The following ZNF804A variants were observed in gnomAD, a reference collection of about 807,000 sequenced individuals.
The protein encoded by ZNF804A is zinc finger protein 804A.
In ZNF804A, 2 loss-of-function variants were observed where a neutral mutation model predicts 16.5. The observed-to-expected ratio is 0.12, with a 90% CI of 0.05 to 0.38. The LOEUF is 0.38. Ranked by LOEUF, ZNF804A falls within the 10% of genes least tolerant of loss-of-function variation. ZNF804A has a pLI of 0.99. For missense variants in ZNF804A, 1,473 were observed against 1,390.7 expected, an observed-to-expected ratio of 1.06 and a Z score of -0.94; for synonymous variants, 534 against 489.6, an observed-to-expected ratio of 1.09 and a Z score of -1.20.
chr2:184,802,941 A>G (rs1694748713), intron 1 of ZNF804A, among the ~76,000 whole-genome samples: 1 of 152,162 alleles, frequency 6.6e-6, no homozygotes, highest in Non-Finnish European at 1.5e-5. Context: ...GCCTTAGGAA[A>G]GTGATTTTAC....
At chr2:184,837,682 A>G (rs1470171902) in intron 1 of ZNF804A, among the ~76,000 whole-genome samples, 1 of 152,164 alleles carries the variant, frequency 6.6e-6, no homozygotes, top group African/African-American at 2.4e-5. Context: ...GAAAAATATT[A>G]TGATCTATCA....
At chr2:184,831,177 G>A (rs1360975641) in intron 1 of ZNF804A, among the ~76,000 whole-genome samples, 5 of 151,996 alleles carry the variant, frequency 3.3e-5, no homozygotes, top group South Asian at 2.1e-4. Flanking sequence ...TTATACGCCC[G>A]CTTTTATATG....
intron 2 of ZNF804A, among the ~76,000 whole-genome samples, chr2:184,912,701 T>C (rs1417226213): frequency 6.6e-6 from 1 of 152,110 alleles, no homozygotes; most frequent in Non-Finnish European, 1.5e-5. Context: ...CTCTAATTAC[T>C]AATGACGTTG....
intron 2 of ZNF804A, among the ~76,000 whole-genome samples, chr2:184,884,392 T>C (rs1684854886): frequency 6.6e-6 from 1 of 152,020 alleles, no homozygotes; most frequent in African/African-American, 2.4e-5. Context: ...CTTACAGATT[T>C]AGTGCAATTC....
chr2:184,665,125 A>G (rs889995437), intron 1 of ZNF804A, among the ~76,000 whole-genome samples: 82 of 152,340 alleles, frequency 5.4e-4, no homozygotes, highest in African/African-American at 2.0e-3. Context: ...AACTCTTAGT[A>G]TTAAAACAAT....
intron 1 of ZNF804A, among the ~76,000 whole-genome samples, chr2:184,612,450 G>T (rs56217599): frequency 0.56 from 79,173 of 140,782 alleles, 21,576 homozygotes; most frequent in Middle Eastern, 0.64. Flanking sequence ...TTTTTTTTTT[G>T]GGGGGGGGAC....
intron 1 of ZNF804A, among the ~76,000 whole-genome samples, chr2:184,816,031 C>T (rs1163350915): frequency 6.6e-6 from 1 of 151,990 alleles, no homozygotes; most frequent in African/African-American, 2.4e-5. Flanking sequence ...TTGACAAATG[C>T]ATTATGAACA....
At chr2:184,767,873 A>C (rs1409189569) in intron 1 of ZNF804A, among the ~76,000 whole-genome samples, 1 of 152,134 alleles carries the variant, frequency 6.6e-6, no homozygotes, top group African/African-American at 2.4e-5. Context: ...GCATCAGTGA[A>C]TCCAAATCTG....
chr2:184,631,443 G>A (rs916826819), intron 1 of ZNF804A, among the ~76,000 whole-genome samples: 1 of 151,998 alleles, frequency 6.6e-6, no homozygotes, highest in Non-Finnish European at 1.5e-5. Flanking sequence ...ATTATTCTAG[G>A]TGATAATACT....
At chr2:184,802,755 A>T (rs1180635233) in intron 1 of ZNF804A, among the ~76,000 whole-genome samples, 2 of 152,172 alleles carry the variant, frequency 1.3e-5, no homozygotes, top group African/African-American at 4.8e-5. Context: ...CTAAAATAAG[A>T]ATTCCCTGCT....
intron 1 of ZNF804A, among the ~76,000 whole-genome samples, chr2:184,826,671 A>G (rs1426610765): frequency 6.6e-6 from 1 of 152,102 alleles, no homozygotes; most frequent in African/African-American, 2.4e-5. Context: ...TTATTAATAC[A>G]TACTTGAAAC....
At chr2:184,812,168 C>T (rs992886833) in intron 1 of ZNF804A, among the ~76,000 whole-genome samples, 1 of 152,128 alleles carries the variant, frequency 6.6e-6, no homozygotes, top group Non-Finnish European at 1.5e-5. Context: ...AGTTACCTGG[C>T]CCTACAAGCT....
chr2:184,929,119 C>G (rs540211345), intron 2 of ZNF804A, among the ~76,000 whole-genome samples: 59 of 152,292 alleles, frequency 3.9e-4, no homozygotes, highest in African/African-American at 1.4e-3. Context: ...CATCTAGCCT[C>G]TCCTCTTTAA....
chr2:184,682,234 G>A (rs980277980), intron 1 of ZNF804A, among the ~76,000 whole-genome samples: 2 of 152,184 alleles, frequency 1.3e-5, no homozygotes, highest in African/African-American at 2.4e-5. Flanking sequence ...AAGCCCGGAG[G>A]GTGTCAGCAA....
chr2:184,825,851 A>AT (rs979088412), intron 1 of ZNF804A, among the ~76,000 whole-genome samples: 4 of 151,728 alleles, frequency 2.6e-5, no homozygotes, highest in Non-Finnish European at 4.4e-5. Flanking sequence ...ATGCCTTTTT[A>AT]TTTTTTTAAT....
intron 1 of ZNF804A, among the ~76,000 whole-genome samples, chr2:184,856,824 T>A (rs142428638): frequency 0.01 from 1,543 of 152,248 alleles, 97 homozygotes; most frequent in Admixed American, 0.087. Context: ...TATCTCATTA[T>A]GTACATGCAC....
Position 184,752,446 on chromosome 2 carries a change from A to C in ZNF804A, c.112-113923A>C, listed in dbSNP as rs1407711889. On this transcript the variant is annotated intron_variant, in intron 1 of 3. Coordinates refer to ENST00000302277, the MANE Select transcript of ZNF804A (RefSeq NM_194250.2). ...AAATAATGAGTACACATGGACATAA[A>C]GAAGCAAATAATAGACACTGGAGAC... Among the ~76,000 whole-genome samples, 3 of 151,572 alleles carry C rather than the reference A, an allele frequency of 2.0e-5. No homozygotes were observed. The Admixed American group carries it at 2.0e-4, about 10-fold the overall frequency.
intron 1 of ZNF804A, among the ~76,000 whole-genome samples, chr2:184,609,006 G>C (rs1447959265): frequency 6.6e-6 from 1 of 152,014 alleles, no homozygotes; most frequent in Non-Finnish European, 1.5e-5. Flanking sequence ...GAATTTTTTT[G>C]ATAATAGACA....
chr2:184,736,222 C>T (rs887602594), intron 1 of ZNF804A, among the ~76,000 whole-genome samples: 1 of 152,150 alleles, frequency 6.6e-6, no homozygotes, highest in African/African-American at 2.4e-5. Flanking sequence ...CCATGTGATC[C>T]TGACCTTACC....
Sources: allele counts gnomAD v4.1 joint callset (sites outside exome capture counted in the v4.1 genomes callset), GRCh38; gene constraint gnomAD v4.1.1; transcripts MANE v1.5; gene names NCBI Gene and HGNC (gene_info 2026-07-23, HGNC 2026-07-21).